The following TANC2 variants were observed in gnomAD, a reference collection of about 807,000 sequenced individuals.
TANC2 encodes the protein tetratricopeptide repeat, ankyrin repeat and coiled-coil containing 2.
TANC2 carries 26 observed loss-of-function variants against 210.5 expected under a neutral mutation model. The observed-to-expected ratio is 0.12, with a 90% CI of 0.09 to 0.17. TANC2 has a LOEUF of 0.17. Ranked by LOEUF, TANC2 falls within the 10% of genes least tolerant of loss-of-function variation. The probability of loss-of-function intolerance (pLI) is 1.00; values close to 1 mark genes in which losing one functional copy is unlikely to be tolerated. For missense variants in TANC2, 2,129 were observed against 2,608.9 expected, an observed-to-expected ratio of 0.82 and a Z score of 4.01; for synonymous variants, 931 against 967.1, an observed-to-expected ratio of 0.96 and a Z score of 0.69.
At chr17:63,262,024 G>A (rs1453171753) in intron 8 of TANC2, among the ~76,000 whole-genome samples, 1 of 152,062 alleles carries the variant, frequency 6.6e-6, no homozygotes, top group Non-Finnish European at 1.5e-5. Context: ...AAACTAAATT[G>A]GAAACTTAAT....
chr17:63,382,904 A>G (rs540262658), intron 15 of TANC2, among the ~76,000 whole-genome samples: 67 of 152,314 alleles, frequency 4.4e-4, no homozygotes, highest in African/African-American at 1.5e-3. Context: ...AGATTTCTCT[A>G]TAGATGTAGG....
intron 1 of TANC2, among the ~76,000 whole-genome samples, chr17:62,987,526 G>T (rs1568297591): frequency 6.6e-6 from 1 of 152,186 alleles, no homozygotes; most frequent in African/African-American, 2.4e-5. Context: ...GTCTCCTGTT[G>T]CAAGGACTGT....
intron 1 of TANC2, among the ~76,000 whole-genome samples, chr17:62,991,728 T>G: frequency 6.6e-6 from 1 of 151,952 alleles, no homozygotes. Flanking sequence ...ACATATACAT[T>G]GTATTATGGT....
intron 1 of TANC2, among the ~76,000 whole-genome samples, chr17:62,990,194 A>T (rs561758594): frequency 6.6e-6 from 1 of 152,252 alleles, no homozygotes; most frequent in East Asian, 1.9e-4. Context: ...GGTTGTTCAT[A>T]TGAGAGGCCT....
chr17:63,347,068 A>T (rs936078140), intron 12 of TANC2, among the ~76,000 whole-genome samples: 1 of 152,186 alleles, frequency 6.6e-6, no homozygotes, highest in African/African-American at 2.4e-5. Context: ...ATTGCTACGT[A>T]TTTACCCAAG....
chr17:63,335,185 T>C (rs2045984077), intron 11 of TANC2, among the ~76,000 whole-genome samples: 2 of 152,184 alleles, frequency 1.3e-5, no homozygotes, highest in Admixed American at 6.5e-5. Flanking sequence ...AACCCTGTGA[T>C]ATGATCCACA....
At chr17:63,190,361 A>G (rs949404079) in intron 5 of TANC2, among the ~76,000 whole-genome samples, 7 of 151,992 alleles carry the variant, frequency 4.6e-5, no homozygotes, top group Middle Eastern at 3.2e-3. Flanking sequence ...AAAAAGATCA[A>G]TTGACCATAA....
intron 8 of TANC2, among the ~76,000 whole-genome samples, chr17:63,242,742 A>G (rs1165619796): frequency 6.6e-6 from 1 of 152,210 alleles, no homozygotes; most frequent in East Asian, 1.9e-4. Flanking sequence ...CCAGATGCCC[A>G]TCAACAGGTG....
At chr17:63,046,614 C>T (rs1461470381) in intron 2 of TANC2, among the ~76,000 whole-genome samples, 2 of 151,752 alleles carry the variant, frequency 1.3e-5, no homozygotes, top group East Asian at 1.9e-4. Context: ...GCCACCACAC[C>T]CGGCCTTTAA....
At chr17:63,291,688 T>C (rs1305537188) in intron 9 of TANC2, among the ~76,000 whole-genome samples, 1 of 152,198 alleles carries the variant, frequency 6.6e-6, no homozygotes, top group Non-Finnish European at 1.5e-5. Context: ...CTATCATTCA[T>C]TGAGAACTTC....
At position 63,411,739 on chromosome 17, in the gene TANC2, T is replaced by A. The variant is rs1039600628; in HGVS notation, c.3765+53T>A. The stretch of plus-strand genomic sequence containing the variant: ...GAGCAGAGAGAGGGGCTATTCTCCA[T>A]CCATACTACCTGGGGTTGAAAGTGG... On this transcript the variant is annotated intron_variant, in intron 22 of 27. Transcript: ENST00000689528. 6 of 1,559,124 alleles carry A rather than the reference T, an allele frequency of 3.8e-6. No individual in the cohort carries two copies. In the African/African-American group the frequency reaches 8.2e-5, roughly 21 times the overall value.
chr17:63,032,681 A>G (rs1013103670), intron 2 of TANC2, among the ~76,000 whole-genome samples: 5 of 152,148 alleles, frequency 3.3e-5, no homozygotes, highest in African/African-American at 1.2e-4. Flanking sequence ...GAGCTACTGG[A>G]GATACAGCAG....
At chr17:63,043,215 A>G (rs894919518) in intron 2 of TANC2, among the ~76,000 whole-genome samples, 4 of 152,078 alleles carry the variant, frequency 2.6e-5, no homozygotes, top group Non-Finnish European at 2.9e-5. Flanking sequence ...TGTAAAGTCT[A>G]TGTACTTTAA....
At chr17:63,286,073 T>C (rs1244841287) in intron 9 of TANC2, among the ~76,000 whole-genome samples, 2 of 152,220 alleles carry the variant, frequency 1.3e-5, no homozygotes, top group Admixed American at 6.5e-5. Flanking sequence ...GTTGTTGTTG[T>C]CAGACATTTT....
chr17:63,000,467 C>T (rs1458310136), intron 1 of TANC2, among the ~76,000 whole-genome samples: 1 of 152,070 alleles, frequency 6.6e-6, no homozygotes, highest in Non-Finnish European at 1.5e-5. Flanking sequence ...CAGAAGAAGA[C>T]ATTGAAATAG....
chr17:63,065,717 A>G (rs1483979334), intron 2 of TANC2, among the ~76,000 whole-genome samples: 1 of 152,164 alleles, frequency 6.6e-6, no homozygotes, highest in African/African-American at 2.4e-5. Flanking sequence ...ATGTCTATTC[A>G]GGTTCTTTGC....
intron 5 of TANC2, among the ~76,000 whole-genome samples, chr17:63,161,470 A>G (rs1019975899): frequency 6.6e-6 from 1 of 151,988 alleles, no homozygotes; most frequent in Non-Finnish European, 1.5e-5. Flanking sequence ...GCTTGTTTCC[A>G]GTTCTCATTT....
intron 3 of TANC2, among the ~76,000 whole-genome samples, chr17:63,075,169 T>C (rs1489809354): frequency 2.0e-5 from 3 of 152,182 alleles, no homozygotes; most frequent in Non-Finnish European, 4.4e-5. Context: ...TATTTTGATA[T>C]AAAAATGAGA....
chr17:63,049,598 A>G (rs2035504571), intron 2 of TANC2, among the ~76,000 whole-genome samples: 1 of 152,232 alleles, frequency 6.6e-6, no homozygotes, highest in Admixed American at 6.5e-5. Context: ...AGATGAGGTC[A>G]GAGAGGTAAT....
Sources: gnomAD v4.1 joint callset for allele counts (sites outside exome capture counted in the v4.1 genomes callset) on GRCh38, gnomAD v4.1.1 for gene constraint, MANE v1.5 for transcripts, NCBI Gene and HGNC (gene_info 2026-07-23, HGNC 2026-07-21) for gene names.